Variants in CRLF2 observed in about 807,000 individuals in gnomAD.
CRLF2 encodes cytokine receptor like factor 2.
A neutral mutation model predicts 38.7 loss-of-function variants in CRLF2; 41 were observed. The ratio of observed to expected loss-of-function variants is 1.06; its 90% CI spans 0.83 to 1.37. The LOEUF (loss-of-function observed/expected upper bound fraction) is 1.37. CRLF2 is among the 40% of genes most tolerant of loss of function. CRLF2 has a pLI of 0.00. For missense variants in CRLF2, 377 were observed against 322.2 expected, an observed-to-expected ratio of 1.17 and a Z score of -1.30; for synonymous variants, 140 against 128.8, an observed-to-expected ratio of 1.09 and a Z score of -0.59.
chrX:1,199,928 A>ACGTGTGCTG (rs1231107303), intron 4 of CRLF2, among the ~76,000 whole-genome samples: 8 of 150,588 alleles, frequency 5.3e-5, no homozygotes, highest in African/African-American at 9.7e-5. Context: ...TAAGCTGTGT[A>ACGTGTGCTG]TGTAAGGTGT....
At position 1,191,332 on chromosome X, in the gene CRLF2, T is replaced by TC. The variant is rs1491531020; in HGVS notation, c.853-173dup. On this transcript the variant is annotated intron_variant, in intron 7 of 7. Coordinates refer to ENST00000400841, the MANE Select transcript of CRLF2 (RefSeq NM_022148.4). ...TTCTTTCTTTCTTTCTTTCTTTCTT[T>TC]CTTTCTTTCTTTCCTTCTTTCTTTC... is the stretch of plus-strand genomic sequence containing the variant. Among the ~76,000 whole-genome samples, 33 of 118,066 alleles carry TC rather than the reference T, an allele frequency of 2.8e-4. 1 individual carries two copies. Among genetic ancestry groups the TC allele is most frequent in the Non-Finnish European group, 4.3e-4 (24 of 56,190 alleles). The allele number at this position is 118,066 out of a possible 152,430, so 77.5% of individuals were successfully genotyped here.
chrX:1,196,433 G>A (rs1285689563), intron 6 of CRLF2, among the ~76,000 whole-genome samples: 13 of 151,984 alleles, frequency 8.6e-5, no homozygotes, highest in Non-Finnish European at 1.6e-4. Flanking sequence ...TGATTCACCT[G>A]CCTTGGCATC....
chrX:1,196,832 C>A lies in CRLF2; in HGVS notation c.715G>T (p.Ala239Ser). The change falls in exon 6 of 8, where the codon GCC becomes TCC. Residue 239 changes from alanine to serine, a missense_variant. Coordinates refer to ENST00000400841, the MANE Select transcript of CRLF2 (RefSeq NM_022148.4). Reference protein sequence around the residue: ...LSKFILISSLAILLMVSLLLL... With the variant: ...LSKFILISSLSILLMVSLLLL... ...AGGAGAGACACCATCAGAAGGATGG[C>A]CAGGCTGGAAATTAAAATAAATTTG... The A allele has an allele frequency of 1.2e-6, 2 of 1,613,378 alleles. No individual in the cohort carries two copies. The highest frequency in any genetic ancestry group is 3.3e-4 in the Middle Eastern group (2 of 6,052).
rs762348364 is a variant in CRLF2, at chrX:1,211,357, GTGGATGGATGGA to G, written c.79+1187_79+1198del. Among the ~76,000 whole-genome samples the G allele has an allele frequency of 3.8e-3, 176 of 46,462 alleles. 4 individuals are homozygous for G. The highest frequency in any genetic ancestry group is 0.017 in the African/African-American group (143 of 8,364). The allele number at this position is 46,462 out of a possible 152,430, so 30.5% of individuals were successfully genotyped here. On this transcript the variant is annotated intron_variant, in intron 1 of 7. Transcript: ENST00000400841. ...TATTGGTGGGTGGATGGGTGGATGG[GTGGATGGATGGA>G]TGGATGGATGGATGGATGGATGGAT...
chrX:1,194,059 A>C (rs1348880402), intron 6 of CRLF2, among the ~76,000 whole-genome samples: 1 of 151,894 alleles, frequency 6.6e-6, no homozygotes, highest in Non-Finnish European at 1.5e-5. Flanking sequence ...TGGGGGGCAG[A>C]GGTTGCAGTG....
intron 4 of CRLF2, among the ~76,000 whole-genome samples, chrX:1,199,563 A>G (rs1283743431): frequency 1.3e-5 from 2 of 152,092 alleles, no homozygotes; most frequent in African/African-American, 4.8e-5. Flanking sequence ...GGCCTCCCAA[A>G]GTGCTGGGAT....
intron 6 of CRLF2, among the ~76,000 whole-genome samples, chrX:1,195,930 A>G (rs1463971310): frequency 7.1e-6 from 1 of 141,812 alleles, no homozygotes; most frequent in Non-Finnish European, 1.5e-5. Flanking sequence ...TATAGATTAC[A>G]TTAAATATAT....
chrX:1,202,666 T>C (rs2086629209), intron 3 of CRLF2, 131 bp from the exon 4 acceptor site: 6 of 1,042,686 alleles, frequency 5.8e-6, no homozygotes, highest in South Asian at 1.5e-5. Context: ...GGTTCACCCG[T>C]CCTCATTACT....
In CRLF2 at chrX:1,196,767, G is replaced by C. The variant is rs780799067; in HGVS notation, c.767+13C>G. 15 of 1,612,806 alleles carry C rather than the reference G, an allele frequency of 9.3e-6. No homozygotes were observed. In the South Asian group the frequency reaches 1.6e-4, roughly 18 times the overall value. The stretch of plus-strand genomic sequence containing the variant: ...AGGTCCCTCCACCCACGGGCGGCAG[G>C]AGTCATCCTTACCTCCATAATTTCC... On this transcript the variant is annotated intron_variant, in intron 6 of 7. Coordinates refer to ENST00000400841, the MANE Select transcript of CRLF2 (RefSeq NM_022148.4).
chrX:1,212,207 T>C (rs1228053035), intron 1 of CRLF2, among the ~76,000 whole-genome samples: 3 of 151,810 alleles, frequency 2.0e-5, no homozygotes, highest in Non-Finnish European at 4.4e-5. Context: ...CATTGATGGA[T>C]AGATTAAAAA....
intron 7 of CRLF2, among the ~76,000 whole-genome samples, chrX:1,192,228 A>AG (rs1297341180): frequency 4.0e-5 from 6 of 150,994 alleles, no homozygotes; most frequent in Non-Finnish European, 8.9e-5. Flanking sequence ...AAACAAAAAA[A>AG]ACCTAGTTTG....
intron 3 of CRLF2, 107 bp downstream of exon 3, chrX:1,206,326 C>T (rs1252944480): frequency 6.0e-5 from 58 of 969,150 alleles, no homozygotes; most frequent in Non-Finnish European, 9.3e-5. Flanking sequence ...CAATAGTTAA[C>T]GGTAATCATG....
At chrX:1,212,427 AAAAAAAAAAAAG>A (rs1459840350) in intron 1 of CRLF2, 117 bp downstream of exon 1, 2 of 635,990 alleles carry the variant, frequency 3.1e-6, no homozygotes, top group Non-Finnish European at 5.3e-6. Context: ...GGAAAAAAAA[AAAAAAAAAAAAG>A]AAAAGAAGAA....
At chrX:1,202,252 G>C in intron 4 of CRLF2, 150 bp downstream of exon 4, 1 of 885,700 alleles carries the variant, frequency 1.1e-6, no homozygotes, top group Admixed American at 2.8e-5. Context: ...AGCCAAGCTG[G>C]ACTAGAGCTC....
intron 3 of CRLF2, among the ~76,000 whole-genome samples, chrX:1,205,746 T>C (rs2086679908): frequency 6.6e-6 from 1 of 152,006 alleles, no homozygotes; most frequent in African/African-American, 2.4e-5. Flanking sequence ...TCAGTACTTA[T>C]GGTAATAAGC....
intron 1 of CRLF2, among the ~76,000 whole-genome samples, chrX:1,209,189 G>C (rs749642319): frequency 8.1e-4 from 123 of 151,686 alleles, no homozygotes; most frequent in African/African-American, 2.7e-3. Context: ...GGATGGTCTC[G>C]ATCTCCTGAC....
chrX:1,212,443 A>T, intron 1 of CRLF2, 113 bp downstream of exon 1: 2 of 667,080 alleles, frequency 3.0e-6, no homozygotes, highest in Non-Finnish European at 5.0e-6. Flanking sequence ...AAAAAAGAAA[A>T]GAAGAAAGAA....
chrX:1,198,022 C>A (rs1168397265), intron 5 of CRLF2, among the ~76,000 whole-genome samples: 1 of 151,914 alleles, frequency 6.6e-6, no homozygotes, highest in Non-Finnish European at 1.5e-5. Flanking sequence ...AAAGAAAACT[C>A]TCCCAAGTGA....
intron 4 of CRLF2, 119 bp downstream of exon 4, chrX:1,202,283 G>T: frequency 8.4e-7 from 1 of 1,184,792 alleles, no homozygotes; most frequent in Non-Finnish European, 1.2e-6. Context: ...ATACAGCAGA[G>T]TGGAATTCAG....
Sources: allele counts gnomAD v4.1 joint callset (sites outside exome capture counted in the v4.1 genomes callset), GRCh38; gene constraint gnomAD v4.1.1; transcripts MANE v1.5; gene names NCBI Gene and HGNC (gene_info 2026-07-23, HGNC 2026-07-21).